TNS1: variants seen among roughly 807,000 people sequenced by gnomAD.
TNS1 encodes the protein tensin 1.
A neutral mutation model predicts 168.6 loss-of-function variants in TNS1; 62 were observed. That is an observed-to-expected ratio of 0.37 (90% CI 0.30 to 0.45). TNS1 has a LOEUF of 0.45. Among genes scored for constraint, TNS1 ranks in the 20% least tolerant of loss-of-function variants. The pLI is 1.00. For synonymous variants in TNS1, 934 were observed against 933.2 expected (o/e 1.00, Z -0.02); for missense variants, 2,240 against 2,339.4 (o/e 0.96, Z 0.88).
rs1339463921 is a variant in TNS1 at position 217,801,586 on chromosome 2, T to C, written c.*2873A>G. 1 of 152,212 alleles carries C rather than the reference T, an allele frequency of 6.6e-6. No individual in the cohort carries two copies. Among genetic ancestry groups the C allele is most frequent in the Non-Finnish European group, 1.5e-5 (1 of 68,048 alleles). The allele number at this position is 152,212 out of a possible 1,614,324, so 9.4% of individuals were successfully genotyped here. A position where few individuals can be genotyped will look rare whatever the true frequency, so the allele number is the denominator to read the frequency against. ...AACAATAAACAACAGTAAAATAGAT[T>C]CAGGGAGGGAGAAGACAGAAGAAGA... On this transcript the variant is annotated 3_prime_UTR_variant, in exon 33 of 33. Coordinates refer to ENST00000682258, the MANE Select transcript of TNS1 (RefSeq NM_001387777.1).
chr2:217,821,301 C>T (rs1396375511), intron 23 of TNS1, among the ~76,000 whole-genome samples: 1 of 152,154 alleles, frequency 6.6e-6, no homozygotes, highest in African/African-American at 2.4e-5. Flanking sequence ...TCAGGTTCCT[C>T]TTCTGAAAAG....
At chr2:217,943,202 G>T (rs779175861) in intron 3 of TNS1, among the ~76,000 whole-genome samples, 13 of 152,162 alleles carry the variant, frequency 8.5e-5, no homozygotes, top group Non-Finnish European at 1.6e-4. Flanking sequence ...AGGGCAGAGG[G>T]GGCACTTCTG....
intron 19 of TNS1, among the ~76,000 whole-genome samples, chr2:217,838,411 T>A (rs1359836179): frequency 1.3e-5 from 2 of 152,196 alleles, no homozygotes; most frequent in African/African-American, 4.8e-5. Flanking sequence ...CATGAGGCAG[T>A]CAGCCATCTG....
At chr2:217,834,287 G>A (rs1574704460) in intron 21 of TNS1, among the ~76,000 whole-genome samples, 1 of 152,220 alleles carries the variant, frequency 6.6e-6, no homozygotes, top group African/African-American at 2.4e-5. Flanking sequence ...TCTCACCAGG[G>A]CCAGTGGATA....
At chr2:217,808,741 C>G in intron 30 of TNS1, 70 bp from the exon 31 acceptor site, 1 of 1,422,744 alleles carries the variant, frequency 7.0e-7, no homozygotes, top group Non-Finnish European at 9.9e-7. Flanking sequence ...CTTCCACCAG[C>G]AGGTCAGGCC....
At chr2:217,805,643 A>T (rs1187077872) in intron 32 of TNS1, among the ~76,000 whole-genome samples, 1 of 83,142 alleles carries the variant, frequency 1.2e-5, no homozygotes, top group Non-Finnish European at 2.5e-5. Context: ...ACCCACACAC[A>T]TCACACACAC....
In TNS1 at chr2:217,893,400, GCACACACACA is replaced by G. The variant is rs55877465; in HGVS notation, c.717+29_717+38del. 88 of 1,462,240 alleles carry G rather than the reference GCACACACACA, an allele frequency of 6.0e-5. 2 individuals carry two copies. The highest frequency in any genetic ancestry group is 4.7e-4 in the Admixed American group (21 of 44,520). 90.6% of individuals were successfully genotyped at this position (1,462,240 alleles called of 1,614,324 possible). A position where few individuals can be genotyped will look rare whatever the true frequency, so the allele number is the denominator to read the frequency against. Reference sequence around the variant, plus strand: ...CACACATGTGCGCATGTGCGCGCGCGCACACACACACACACACACACACACACACAGCTCT... The same window carrying G: ...CACACATGTGCGCATGTGCGCGCGCGCACACACACACACACACACAGCTCT... On this transcript the variant is annotated intron_variant, in intron 10 of 32. Coordinates refer to ENST00000682258, the MANE Select transcript of TNS1 (RefSeq NM_001387777.1).
chr2:217,818,782 G>A lies in TNS1; in HGVS notation c.3573-23C>T, dbSNP rs752365508. On this transcript the variant is annotated intron_variant, in intron 23 of 32. Transcript: ENST00000682258. ...GTGCTGCAGAGAGATGGCAGGTTGC[G>A]ATGTCAGTGGACAGAACTGAATGAA... is the stretch of plus-strand genomic sequence containing the variant. The A allele has an allele frequency of 1.2e-5, 19 of 1,573,416 alleles. No homozygotes were observed. The East Asian group carries it at 2.2e-4, about 19-fold the overall frequency.
chr2:217,845,792 G>A (rs1430887137), intron 19 of TNS1, among the ~76,000 whole-genome samples: 1 of 152,182 alleles, frequency 6.6e-6, no homozygotes, highest in Non-Finnish European at 1.5e-5. Context: ...TTAGGGTTAT[G>A]GCCTCCTCTT....
chr2:218,009,170 C>T (rs567492968), intron 1 of TNS1, among the ~76,000 whole-genome samples: 4 of 152,338 alleles, frequency 2.6e-5, no homozygotes, highest in Admixed American at 2.0e-4. Flanking sequence ...CGTCCCTGCC[C>T]CAAGAGAGTG....
intron 3 of TNS1, among the ~76,000 whole-genome samples, chr2:217,930,234 C>G (rs1956251112): frequency 6.6e-6 from 1 of 152,222 alleles, no homozygotes; most frequent in South Asian, 2.1e-4. Flanking sequence ...GCATTCTCAG[C>G]CTAAGGTCAC....
chr2:218,010,947 A>T (rs1958700616), upstream of TNS1, among the ~76,000 whole-genome samples: 1 of 152,122 alleles, frequency 6.6e-6, no homozygotes, highest in Admixed American at 6.5e-5. Flanking sequence ...GACCCTGGCC[A>T]CACACTCCGA....
At chr2:217,827,934 C>T (rs889703151) in intron 22 of TNS1, among the ~76,000 whole-genome samples, 4 of 152,234 alleles carry the variant, frequency 2.6e-5, no homozygotes, top group African/African-American at 9.6e-5. Flanking sequence ...TAATCCACCC[C>T]ATGGCCCTTC....
At chr2:217,879,215 T>C (rs1325056962) in intron 18 of TNS1, 2 of 299,264 alleles carry the variant, frequency 6.7e-6, no homozygotes, top group Non-Finnish European at 1.3e-5. Context: ...TGCCTGGCAC[T>C]TTATAGTTTA....
chr2:217,892,481 A>G (rs564816330), intron 11 of TNS1, among the ~76,000 whole-genome samples: 1 of 152,338 alleles, frequency 6.6e-6, no homozygotes, highest in Admixed American at 6.5e-5. Context: ...AAAGGGAGTC[A>G]GTGACTGGAT....
chr2:217,981,777 G>A (rs529552504), intron 2 of TNS1, among the ~76,000 whole-genome samples: 1 of 152,216 alleles, frequency 6.6e-6, no homozygotes. Context: ...CCAAGGGGCA[G>A]TATGTCCTCC....
chr2:217,810,083 A>G (rs1231339075), intron 29 of TNS1, 92 bp from the exon 30 acceptor site: 21 of 1,504,858 alleles, frequency 1.4e-5, no homozygotes, highest in Non-Finnish European at 1.9e-5. Flanking sequence ...GGTAGCAGAT[A>G]AATTTCAGGC....
intron 22 of TNS1, among the ~76,000 whole-genome samples, chr2:217,826,837 T>C (rs932431856): frequency 4.6e-5 from 7 of 152,182 alleles, no homozygotes; most frequent in African/African-American, 1.7e-4. Context: ...CAGGGTGACT[T>C]GGGCTCCTCC....
chr2:217,851,846 T>A (rs763137881), intron 18 of TNS1, among the ~76,000 whole-genome samples: 6 of 151,926 alleles, frequency 3.9e-5, no homozygotes, highest in African/African-American at 7.3e-5. Context: ...TTGCTACACA[T>A]AAAAGAAGAG....
Sources: allele counts gnomAD v4.1 joint callset (sites outside exome capture counted in the v4.1 genomes callset), GRCh38; gene constraint gnomAD v4.1.1; transcripts MANE v1.5; gene names NCBI Gene and HGNC (gene_info 2026-07-23, HGNC 2026-07-21).